Variants in LSAMP observed in about 807,000 individuals in gnomAD.
The protein encoded by LSAMP is limbic system associated membrane protein, also known as limbic system-associated membrane protein.
LSAMP carries 7 observed loss-of-function variants against 38.6 expected under a neutral mutation model. The observed-to-expected ratio is 0.18, with a 90% confidence interval of 0.10 to 0.34. The LOEUF (loss-of-function observed/expected upper bound fraction) is 0.34. Ranked by LOEUF, LSAMP falls within the 10% of genes least tolerant of loss-of-function variation. The pLI is 1.00. For missense variants in LSAMP, 313 were observed against 420.0 expected (o/e 0.75, Z 2.23); for synonymous variants, 154 against 166.8 (o/e 0.92, Z 0.59).
rs369667964 is a variant in LSAMP, at chr3:115,877,622, C to G, written c.515-25005G>C. On this transcript the variant is annotated intron_variant, in intron 3 of 6. Coordinates refer to ENST00000490035, the MANE Select transcript of LSAMP (RefSeq NM_002338.5). ...TTCAAAAAAAGGCATCCCTTCCCTA[C>G]TAGAAGCAGAGGAAAGTTTCTGGAC... 6.6e-5 allele frequency among the ~76,000 whole-genome samples: 10 copies of G among 152,230 alleles called. No homozygotes were observed. In the East Asian group the frequency reaches 1.5e-3, roughly 24 times the overall value.
intron 2 of LSAMP, among the ~76,000 whole-genome samples, chr3:116,081,760 T>A (rs1406837766): frequency 6.6e-6 from 1 of 152,166 alleles, no homozygotes; most frequent in Non-Finnish European, 1.5e-5. Flanking sequence ...ATCACAGTGC[T>A]GAGAAAAATG....
At chr3:116,275,264 G>T (rs1227154339) in intron 1 of LSAMP, among the ~76,000 whole-genome samples, 1 of 151,960 alleles carries the variant, frequency 6.6e-6, no homozygotes, top group Non-Finnish European at 1.5e-5. Flanking sequence ...TGTTGTCCAG[G>T]CTGGTCTGGA....
chr3:116,270,671 G>A (rs773725989), intron 1 of LSAMP, among the ~76,000 whole-genome samples: 4 of 152,092 alleles, frequency 2.6e-5, no homozygotes, highest in African/African-American at 4.8e-5. Flanking sequence ...GGGCCTTAAT[G>A]TTTAATGTTG....
intron 1 of LSAMP, among the ~76,000 whole-genome samples, chr3:116,383,559 T>G (rs1328341747): frequency 1.3e-5 from 2 of 152,112 alleles, no homozygotes; most frequent in Admixed American, 6.5e-5. Context: ...CTTAAGTGCC[T>G]GTCCAGTATC....
Position 116,441,737 on chromosome 3 carries a change from C to T in LSAMP, c.155+3140G>A, listed in dbSNP as rs878925807. Among the ~76,000 whole-genome samples the T allele has an allele frequency of 1.1e-3, 172 of 152,228 alleles. 3 individuals are homozygous for T. The highest frequency in any genetic ancestry group is 8.4e-3 in the Admixed American group (128 of 15,294). ...CAGGTAGACTCTGTTTAGAAAAGCACCTGAGGCAGCTTCATGACTGAAGTC... is the reference window on the plus strand; with the variant it reads ...CAGGTAGACTCTGTTTAGAAAAGCATCTGAGGCAGCTTCATGACTGAAGTC... On this transcript the variant is annotated intron_variant, in intron 1 of 6. Transcript: ENST00000490035.
intron 1 of LSAMP, among the ~76,000 whole-genome samples, chr3:116,400,990 T>C (rs1022788381): frequency 6.6e-5 from 10 of 152,194 alleles, no homozygotes. Context: ...AAAAGAATCA[T>C]GTAAACTCAG....
At chr3:116,322,913 T>A (rs1185840558) in intron 1 of LSAMP, among the ~76,000 whole-genome samples, 1 of 152,126 alleles carries the variant, frequency 6.6e-6, no homozygotes, top group African/African-American at 2.4e-5. Context: ...AGCATGGGGT[T>A]TGCATTTTCA....
At chr3:116,301,508 T>A (rs1330389192) in intron 1 of LSAMP, among the ~76,000 whole-genome samples, 2 of 152,172 alleles carry the variant, frequency 1.3e-5, no homozygotes. Flanking sequence ...GAAAAACAGG[T>A]AGACTGTTTG....
intron 1 of LSAMP, among the ~76,000 whole-genome samples, chr3:116,161,890 C>A (rs755152344): frequency 1.3e-5 from 2 of 151,812 alleles, no homozygotes; most frequent in Non-Finnish European, 2.9e-5. Flanking sequence ...AACGCAGAGA[C>A]AAAAACACAC....
At chr3:115,920,209 G>C (rs185948744) in intron 3 of LSAMP, among the ~76,000 whole-genome samples, 1 of 152,302 alleles carries the variant, frequency 6.6e-6, no homozygotes, top group Admixed American at 6.5e-5. Flanking sequence ...TCAGAAGTGA[G>C]ATCACTGGAT....
intron 3 of LSAMP, among the ~76,000 whole-genome samples, chr3:115,924,528 C>T (rs1024829932): frequency 6.6e-6 from 1 of 152,142 alleles, no homozygotes; most frequent in African/African-American, 2.4e-5. Context: ...GATAGAGAAA[C>T]TTGTCTAAAA....
intron 1 of LSAMP, among the ~76,000 whole-genome samples, chr3:116,431,703 G>T (rs896364777): frequency 1.3e-5 from 2 of 151,894 alleles, no homozygotes; most frequent in African/African-American, 2.4e-5. Context: ...ATTGCAAAGG[G>T]TATAATAGCA....
chr3:116,388,571 G>A (rs1347837276), intron 1 of LSAMP, among the ~76,000 whole-genome samples: 1 of 152,152 alleles, frequency 6.6e-6, no homozygotes, highest in Admixed American at 6.5e-5. Context: ...GAGGCAGATA[G>A]AATACACGCT....
At chr3:116,056,752 AC>A (rs1405176040) in intron 2 of LSAMP, among the ~76,000 whole-genome samples, 1 of 152,092 alleles carries the variant, frequency 6.6e-6, no homozygotes, top group African/African-American at 2.4e-5. Flanking sequence ...CTCACAATAA[AC>A]CTTTCTTTCC....
At chr3:116,050,169 AGCATCTCCATGG>A (rs1292839064) in intron 2 of LSAMP, among the ~76,000 whole-genome samples, 1 of 152,118 alleles carries the variant, frequency 6.6e-6, no homozygotes, top group Non-Finnish European at 1.5e-5. Context: ...CCCACAACAC[AGCATCTCCATGG>A]GCTGCCTGTG....
intron 1 of LSAMP, among the ~76,000 whole-genome samples, chr3:116,393,918 A>C (rs2048735904): frequency 6.6e-6 from 1 of 152,210 alleles, no homozygotes; most frequent in Non-Finnish European, 1.5e-5. Flanking sequence ...TGGAACGACA[A>C]GGAAGCGAGG....
chr3:116,005,271 TC>T (rs1288295287), intron 3 of LSAMP, among the ~76,000 whole-genome samples: 2 of 152,078 alleles, frequency 1.3e-5, no homozygotes, highest in African/African-American at 2.4e-5. Flanking sequence ...GCAACTGAGA[TC>T]AATAATAAAT....
At chr3:115,903,034 C>G (rs932077556) in intron 3 of LSAMP, among the ~76,000 whole-genome samples, 1 of 152,132 alleles carries the variant, frequency 6.6e-6, no homozygotes, top group African/African-American at 2.4e-5. Flanking sequence ...GATACATGCA[C>G]GCATATATTC....
chr3:116,149,488 T>G (rs1412172235), intron 1 of LSAMP, among the ~76,000 whole-genome samples: 1 of 152,012 alleles, frequency 6.6e-6, no homozygotes, highest in Non-Finnish European at 1.5e-5. Flanking sequence ...TTTTGTTAGT[T>G]TGCAAAACCG....
Sources: allele counts gnomAD v4.1 joint callset (sites outside exome capture counted in the v4.1 genomes callset), GRCh38; gene constraint gnomAD v4.1.1; transcripts MANE v1.5; gene names NCBI Gene and HGNC (gene_info 2026-07-23, HGNC 2026-07-21).